The following UBE2G1 variants were observed in gnomAD, a reference collection of about 807,000 sequenced individuals.
UBE2G1 encodes the protein ubiquitin-conjugating enzyme E2 G1.
Under a neutral mutation model 22.7 loss-of-function variants are expected in UBE2G1, and 5 were observed. That is an observed-to-expected ratio of 0.22 (90% CI 0.12 to 0.46). The LOEUF is 0.46. Ranked by LOEUF, UBE2G1 falls within the 20% of genes least tolerant of loss-of-function variation. UBE2G1 has a pLI of 0.99. For synonymous variants in UBE2G1, 74 were observed against 67.5 expected (o/e 1.10, Z -0.47); for missense variants, 88 against 203.9 (o/e 0.43, Z 3.46).
chr17:4,319,019 A>C (rs1969407010), intron 1 of UBE2G1, among the ~76,000 whole-genome samples: 1 of 152,256 alleles, frequency 6.6e-6, no homozygotes, highest in Non-Finnish European at 1.5e-5. Context: ...CTAAAAACAA[A>C]TCATGGTCAT....
chr17:4,315,373 A>G (rs1428262397), intron 1 of UBE2G1, among the ~76,000 whole-genome samples: 3 of 152,226 alleles, frequency 2.0e-5, no homozygotes, highest in African/African-American at 7.2e-5. Flanking sequence ...ACTGCACCTC[A>G]GCAAAATACA....
chr17:4,354,801 G>C (rs1456602160), intron 1 of UBE2G1, among the ~76,000 whole-genome samples: 1 of 151,806 alleles, frequency 6.6e-6, no homozygotes, highest in Non-Finnish European at 1.5e-5. Context: ...GCTGAGCATG[G>C]TGGCGCGTGC....
At position 4,271,476 on chromosome 17, in the gene UBE2G1, G is replaced by A. The variant is rs1265220277; in HGVS notation, c.*1078C>T. 6.6e-6 allele frequency: 1 copy of A among 152,240 alleles called. No homozygotes were observed. Among genetic ancestry groups the A allele is most frequent in the East Asian group, 1.9e-4 (1 of 5,190 alleles). The allele number at this position is 152,240 out of a possible 1,614,324, so 9.4% of individuals were successfully genotyped here. ...TTTGGAAGAACTCACTACATAAGGT[G>A]ACAGAATTCCAAAATCAAATTACAT... On this transcript the variant is annotated 3_prime_UTR_variant, in exon 6 of 6. Coordinates refer to ENST00000396981, the MANE Select transcript of UBE2G1 (RefSeq NM_003342.5).
At chr17:4,312,704 A>C (rs1969325448) in intron 1 of UBE2G1, among the ~76,000 whole-genome samples, 1 of 151,766 alleles carries the variant, frequency 6.6e-6, no homozygotes, top group Admixed American at 6.6e-5. Flanking sequence ...TCAAAAAAAA[A>C]AAAAAAAAAA....
intron 2 of UBE2G1, among the ~76,000 whole-genome samples, chr17:4,303,410 A>G (rs1239765890): frequency 6.6e-6 from 1 of 152,160 alleles, no homozygotes; most frequent in Non-Finnish European, 1.5e-5. Context: ...TTTTGCTATT[A>G]TAAGCAATAG....
chr17:4,286,106 A>T (rs1968959880), intron 4 of UBE2G1, among the ~76,000 whole-genome samples: 2 of 152,146 alleles, frequency 1.3e-5, no homozygotes, highest in South Asian at 4.1e-4. Context: ...GAGAAGAAAA[A>T]GCAAGTAAGA....
intron 4 of UBE2G1, among the ~76,000 whole-genome samples, chr17:4,284,834 CTTTCTTTTTTT>C (rs1468797596): frequency 0.01 from 869 of 83,400 alleles, 32 homozygotes; most frequent in African/African-American, 0.034. Context: ...CTTTTCTTTT[CTTTCTTTTTTT>C]TTTTTTTTTT....
intron 4 of UBE2G1, among the ~76,000 whole-genome samples, chr17:4,285,963 A>G (rs1172340079): frequency 6.6e-6 from 1 of 151,860 alleles, no homozygotes. Context: ...AAAAAAAAAA[A>G]AATTGGAGCC....
At chr17:4,285,700 C>G (rs1968954649) in intron 4 of UBE2G1, among the ~76,000 whole-genome samples, 1 of 152,128 alleles carries the variant, frequency 6.6e-6, no homozygotes, top group Non-Finnish European at 1.5e-5. Context: ...GCCTGTAATC[C>G]CAGCACTTTG....
intron 1 of UBE2G1, chr17:4,335,339 A>T (rs1969632739): frequency 6.6e-6 from 1 of 152,186 alleles, no homozygotes; most frequent in African/African-American, 2.4e-5. Context: ...AAAGGGAAAA[A>T]AACAGTCAGG....
In UBE2G1 at chr17:4,289,419, CAAG is replaced by C. The variant is rs1242429449; in HGVS notation, c.248-14_248-12del. ...CACCATTTTTATCAACTGCAAAATT[CAAG>C]AAGAGGCTTGTTTCATATATTACTA... is the stretch of plus-strand genomic sequence containing the variant. On this transcript the variant is annotated splice_polypyrimidine_tract_variant and intron_variant, in intron 3 of 5. Transcript: ENST00000396981. 1 of 1,467,330 alleles carries C rather than the reference CAAG, an allele frequency of 6.8e-7. No homozygotes were observed. The allele number at this position is 1,467,330 out of a possible 1,614,324, so 90.9% of individuals were successfully genotyped here.
chr17:4,296,761 C>T lies in UBE2G1; in HGVS notation c.203G>A (p.Arg68Gln), dbSNP rs752775861. ...HLTFPKDYPL[R>Q]PPKMKFITEI... ...TGTAATGAATTTCATTTTAGGAGGT[C>T]GGAGGGGATAATCTTTTGGGAAAGT... is the stretch of plus-strand genomic sequence containing the variant. Residue 68 changes from arginine to glutamine, a missense_variant, in exon 3 of 6, where the codon CGA (arginine) becomes CAA (glutamine). Around this residue, in one of 2 missense-constraint regions of UBE2G1, gnomAD observed 38 missense variants for 132.9 expected, o/e 0.29. Transcript: ENST00000396981. 3 of 1,613,842 alleles carry T rather than the reference C, an allele frequency of 1.9e-6. No homozygotes were observed. The highest frequency in any genetic ancestry group is 2.5e-6 in the Non-Finnish European group (3 of 1,179,898).
Position 4,352,024 on chromosome 17 carries a change from C to T in UBE2G1, c.46+14247G>A, listed in dbSNP as rs561456085. 1.4e-4 allele frequency among the ~76,000 whole-genome samples: 21 copies of T among 152,032 alleles called. 1 individual carries two copies. The South Asian group carries it at 2.7e-3, about 20-fold the overall frequency. ...GCTCACGCCTGCAATCCCAGCACTTCGAAAGGCTGAGGCGGGTGAGGTGAG... is the reference window on the plus strand; with the variant it reads ...GCTCACGCCTGCAATCCCAGCACTTTGAAAGGCTGAGGCGGGTGAGGTGAG... On this transcript the variant is annotated intron_variant, in intron 1 of 5. Coordinates refer to ENST00000396981, the MANE Select transcript of UBE2G1 (RefSeq NM_003342.5).
At position 4,321,256 on chromosome 17, in the gene UBE2G1, A is replaced by G. The variant is rs117732865; in HGVS notation, c.47-14133T>C. On this transcript the variant is annotated intron_variant, in intron 1 of 5. Transcript: ENST00000396981. ...TGAACTGTAAGTCAAAGGAACATATATATCAAGCCACAAAATGTTTACTTC... is the reference window on the plus strand; with the variant it reads ...TGAACTGTAAGTCAAAGGAACATATGTATCAAGCCACAAAATGTTTACTTC... Among the ~76,000 whole-genome samples the G allele has an allele frequency of 3.3e-4, 50 of 152,092 alleles. No homozygotes were observed. The East Asian group carries it at 3.9e-3, about 12-fold the overall frequency.
intron 1 of UBE2G1, among the ~76,000 whole-genome samples, chr17:4,334,866 A>G (rs1342179446): frequency 3.9e-5 from 6 of 152,106 alleles, no homozygotes; most frequent in Admixed American, 3.9e-4. Flanking sequence ...TTAAAAGAGG[A>G]AATAAATGAG....
At chr17:4,360,140 T>C (rs1296731316) in intron 1 of UBE2G1, among the ~76,000 whole-genome samples, 2 of 152,182 alleles carry the variant, frequency 1.3e-5, no homozygotes, top group Admixed American at 1.3e-4. Flanking sequence ...TTTGTTTCCA[T>C]AAGCCCACAC....
intron 1 of UBE2G1, among the ~76,000 whole-genome samples, chr17:4,339,739 C>T (rs546366434): frequency 1.3e-5 from 2 of 152,156 alleles, no homozygotes; most frequent in East Asian, 3.9e-4. Flanking sequence ...ATGCCAGCTA[C>T]TCGGGAGGCT....
At chr17:4,301,865 A>G (rs73972426) in intron 2 of UBE2G1, 7,370 of 501,898 alleles carry the variant, frequency 0.015, 503 homozygotes, top group African/African-American at 0.13. Context: ...GAACTTCGTG[A>G]GTTGGCTGTA....
At chr17:4,350,087 C>T (rs1017108615) in intron 1 of UBE2G1, among the ~76,000 whole-genome samples, 1 of 152,064 alleles carries the variant, frequency 6.6e-6, no homozygotes, top group Non-Finnish European at 1.5e-5. Context: ...CTGCACCCAG[C>T]GCTTAAAACT....
Sources: allele counts gnomAD v4.1 joint callset (sites outside exome capture counted in the v4.1 genomes callset), GRCh38; gene constraint gnomAD v4.1.1; regional missense constraint gnomAD v4.1.1; transcripts MANE v1.5; gene names NCBI Gene and HGNC (gene_info 2026-07-23, HGNC 2026-07-21).